DLGAP2: variants seen among roughly 807,000 people sequenced by gnomAD.
The protein encoded by DLGAP2 is disks large-associated protein 2.
Under a neutral mutation model 100.3 loss-of-function variants are expected in DLGAP2, and 26 were observed. That is an observed-to-expected ratio of 0.26 (90% CI 0.19 to 0.36). The LOEUF is 0.36. Among genes scored for constraint, DLGAP2 ranks in the 10% least tolerant of loss-of-function variants. DLGAP2 has a pLI of 1.00. For synonymous variants in DLGAP2, 886 were observed against 630.1 expected (o/e 1.41, Z -6.08); for missense variants, 1,858 against 1,453.2 (o/e 1.28, Z -4.53).
chr8:1,590,423 C>T (rs1796257021), intron 6 of DLGAP2, among the ~76,000 whole-genome samples: 1 of 152,118 alleles, frequency 6.6e-6, no homozygotes, highest in Admixed American at 6.5e-5. Flanking sequence ...TTTTCTCTTC[C>T]GGAATGTATG....
At chr8:1,276,128 G>C (rs977526783) in intron 3 of DLGAP2, among the ~76,000 whole-genome samples, 1 of 141,250 alleles carries the variant, frequency 7.1e-6, no homozygotes, top group Non-Finnish European at 1.5e-5. Flanking sequence ...ATATATAAAT[G>C]TATATAAACT....
chr8:1,446,586 G>A (rs991677335), intron 3 of DLGAP2, among the ~76,000 whole-genome samples: 4 of 151,830 alleles, frequency 2.6e-5, no homozygotes, highest in African/African-American at 9.7e-5. Flanking sequence ...CTCTTTTTTG[G>A]TTCCATATGA....
In DLGAP2 at chr8:1,702,092, G is replaced by A. The variant is rs1485086994; in HGVS notation, c.*686G>A. ...GTCTGAACCCACGAAAATACCCAGCGCAGCATCTACACATTCAAAAGATAA... is the reference window on the plus strand; with the variant it reads ...GTCTGAACCCACGAAAATACCCAGCACAGCATCTACACATTCAAAAGATAA... On this transcript the variant is annotated 3_prime_UTR_variant, in exon 15 of 15. Coordinates refer to ENST00000637795, the MANE Select transcript of DLGAP2 (RefSeq NM_001346810.2). 1 of 151,898 alleles carries A rather than the reference G, an allele frequency of 6.6e-6. No homozygotes were observed. Among genetic ancestry groups the A allele is most frequent in the Admixed American group, 6.6e-5 (1 of 15,254 alleles). The allele number at this position is 151,898 out of a possible 1,614,324, so 9.4% of individuals were successfully genotyped here.
At chr8:1,694,856 CTT>C (rs56181723) in intron 13 of DLGAP2, among the ~76,000 whole-genome samples, 1 of 148,554 alleles carries the variant, frequency 6.7e-6, no homozygotes, top group Non-Finnish European at 1.5e-5. Flanking sequence ...CAACCATTGA[CTT>C]TTTTTTTTTA....
chr8:1,330,963 A>C (rs112686977), intron 3 of DLGAP2, among the ~76,000 whole-genome samples: 1 of 99,430 alleles, frequency 1.0e-5, no homozygotes, highest in African/African-American at 4.0e-5. Flanking sequence ...TGGGAGCGCC[A>C]CTTCACCGGG....
chr8:1,309,796 A>T (rs1298253048), intron 3 of DLGAP2, among the ~76,000 whole-genome samples: 1 of 152,256 alleles, frequency 6.6e-6, no homozygotes, highest in Non-Finnish European at 1.5e-5. Context: ...CAATGTGTAA[A>T]GGTGAAACCT....
At chr8:1,172,517 G>A (rs1038162221) in intron 2 of DLGAP2, among the ~76,000 whole-genome samples, 6 of 152,090 alleles carry the variant, frequency 3.9e-5, no homozygotes, top group South Asian at 2.1e-4. Flanking sequence ...ACTTTCAGGT[G>A]CACCAATCAG....
At chr8:862,849 C>G (rs1293738749) in intron 1 of DLGAP2, among the ~76,000 whole-genome samples, 2 of 152,176 alleles carry the variant, frequency 1.3e-5, no homozygotes, top group African/African-American at 4.8e-5. Context: ...TGGGAGGTCT[C>G]TGATCATGAT....
rs79257831 is a variant in DLGAP2 at position 1,413,462 on chromosome 8, C to G, written c.107-87904C>G. Among the ~76,000 whole-genome samples, 532 of 152,294 alleles carry G rather than the reference C, an allele frequency of 3.5e-3. 9 individuals are homozygous for G. The East Asian group carries it at 0.048, about 14-fold the overall frequency. ...CCAATTTAAGGGCAAGCAAAAGTCA[C>G]TATGCATATTTTACTTAGATTCTCA... is the stretch of plus-strand genomic sequence containing the variant. On this transcript the variant is annotated intron_variant, in intron 3 of 14. Coordinates refer to ENST00000637795, the MANE Select transcript of DLGAP2 (RefSeq NM_001346810.2).
intron 1 of DLGAP2, among the ~76,000 whole-genome samples, chr8:741,076 A>G (rs71514194): frequency 0.17 from 25,192 of 152,244 alleles, 2,375 homozygotes; most frequent in East Asian, 0.46. Context: ...AGTTTTCATC[A>G]TACGAGGCTT....
chr8:1,348,555 C>G (rs1238641055), intron 3 of DLGAP2, among the ~76,000 whole-genome samples: 2 of 150,784 alleles, frequency 1.3e-5, no homozygotes, highest in Non-Finnish European at 3.0e-5. Context: ...CTGCATTGCA[C>G]TCGTGGTAGC....
chr8:846,016 A>C lies in DLGAP2; in HGVS notation c.19-61896A>C, dbSNP rs1048460427. On this transcript the variant is annotated intron_variant, in intron 1 of 14. Transcript: ENST00000637795. Reference sequence around the variant, plus strand: ...ACGTTTGTTATTTGTGTTTGAAAATAATACTTATACACACTTACGGAGTAC... The same window carrying C: ...ACGTTTGTTATTTGTGTTTGAAAATCATACTTATACACACTTACGGAGTAC... Among the ~76,000 whole-genome samples the C allele has an allele frequency of 5.3e-5, 8 of 152,354 alleles. No homozygotes were observed. The East Asian group carries it at 1.5e-3, about 29-fold the overall frequency.
chr8:825,498 G>A (rs1796670623), intron 1 of DLGAP2, among the ~76,000 whole-genome samples: 1 of 152,186 alleles, frequency 6.6e-6, no homozygotes, highest in Non-Finnish European at 1.5e-5. Context: ...TGTGGGCAAA[G>A]CATTCCCCAC....
intron 2 of DLGAP2, among the ~76,000 whole-genome samples, chr8:1,110,893 C>T (rs1207104564): frequency 1.3e-5 from 2 of 152,004 alleles, no homozygotes; most frequent in African/African-American, 2.4e-5. Context: ...TCTGTGGGGC[C>T]CTTCCCTGTG....
intron 2 of DLGAP2, among the ~76,000 whole-genome samples, chr8:1,153,390 C>T (rs1397109660): frequency 1.3e-5 from 2 of 152,158 alleles, no homozygotes; most frequent in Non-Finnish European, 2.9e-5. Flanking sequence ...TCTTTCTAGT[C>T]ACTGATTTAA....
At chr8:798,792 T>C (rs1447698677) in intron 1 of DLGAP2, among the ~76,000 whole-genome samples, 393 of 93,214 alleles carry the variant, frequency 4.2e-3, no homozygotes, top group Middle Eastern at 0.015. Flanking sequence ...CCCCGTGCCC[T>C]GGTGCTGGCC....
chr8:1,641,867 A>C (rs893485926), intron 8 of DLGAP2, among the ~76,000 whole-genome samples: 6 of 149,072 alleles, frequency 4.0e-5, no homozygotes, highest in African/African-American at 7.4e-5. Context: ...TGCCTCCCAT[A>C]CCCCTCGAAC....
In DLGAP2 at chr8:1,042,028, C is replaced by T. The variant is rs552882978; in HGVS notation, c.73+134062C>T. 9.8e-5 allele frequency among the ~76,000 whole-genome samples: 15 copies of T among 152,324 alleles called. No individual in the cohort carries two copies. The South Asian group carries it at 2.1e-3, about 21-fold the overall frequency. On this transcript the variant is annotated intron_variant, in intron 2 of 14. Coordinates refer to ENST00000637795, the MANE Select transcript of DLGAP2 (RefSeq NM_001346810.2). Reference sequence around the variant, plus strand: ...TTCTGTGTCCCCTAGATGGAGCCGTCGACCTGATTTGCAGAGCAGAACGGC... The same window carrying T: ...TTCTGTGTCCCCTAGATGGAGCCGTTGACCTGATTTGCAGAGCAGAACGGC...
At chr8:1,107,288 T>C (rs1804807719) in intron 2 of DLGAP2, among the ~76,000 whole-genome samples, 1 of 152,158 alleles carries the variant, frequency 6.6e-6, no homozygotes, top group African/African-American at 2.4e-5. Context: ...GACTGAGTGC[T>C]TTCTAGATAC....
Sources: allele counts gnomAD v4.1 joint callset (sites outside exome capture counted in the v4.1 genomes callset), GRCh38; gene constraint gnomAD v4.1.1; transcripts MANE v1.5; gene names NCBI Gene and HGNC (gene_info 2026-07-23, HGNC 2026-07-21).